CXCR6: variants seen among roughly 807,000 people sequenced by gnomAD.
The protein encoded by CXCR6 is C-X-C chemokine receptor type 6.
Under a neutral mutation model 1.6 loss-of-function variants are expected in CXCR6, and 3 were observed. The ratio of observed to expected loss-of-function variants is 1.83; its 90% CI spans 0.83 to 4.72. The LOEUF is 4.72. CXCR6 is among the 30% of genes most tolerant of loss of function. The pLI is 0.02. For synonymous variants in CXCR6, 171 were observed against 159.2 expected (o/e 1.07, Z -0.56); for missense variants, 326 against 414.8 (o/e 0.79, Z 1.86).
At chr3:45,944,018 A>G (rs1704418038) in intron 1 of CXCR6, among the ~76,000 whole-genome samples, 1 of 152,210 alleles carries the variant, frequency 6.6e-6, no homozygotes, top group African/African-American at 2.4e-5. Flanking sequence ...CACCAGCTGG[A>G]GGCCAACTGT....
At chr3:45,942,870 G>A (rs906616359), upstream of CXCR6, among the ~76,000 whole-genome samples, 1 of 152,190 alleles carries the variant, frequency 6.6e-6, no homozygotes, top group Non-Finnish European at 1.5e-5. Context: ...AGGTGGGGCT[G>A]CACCAGGCCC....
chr3:45,947,661 C>T lies in CXCR6; in HGVS notation c.*151C>T. 1.5e-6 allele frequency: 1 copy of T among 655,642 alleles called. No homozygotes were observed. The highest frequency in any genetic ancestry group is 2.7e-6 in the Non-Finnish European group (1 of 371,318). 40.6% of individuals were successfully genotyped at this position (655,642 alleles called of 1,614,324 possible). A position where few individuals can be genotyped will look rare whatever the true frequency, so the allele number is the denominator to read the frequency against. Reference sequence around the variant, plus strand: ...CTGGTTTGGAATGCTTCTTCTCAGGCATGAACATGTACTGTTCTCTTCTTG... The same window carrying T: ...CTGGTTTGGAATGCTTCTTCTCAGGTATGAACATGTACTGTTCTCTTCTTG... On this transcript the variant is annotated 3_prime_UTR_variant, in exon 2 of 2. Coordinates refer to ENST00000304552, the MANE Select transcript of CXCR6 (RefSeq NM_006564.2).
Position 45,947,097 on chromosome 3 carries a change from A to G in CXCR6, c.616A>G (p.Thr206Ala), listed in dbSNP as rs1704665667. Residue 206 changes from threonine (T) to alanine (A), a missense_variant, in exon 2 of 2, where the codon ACC becomes GCC. By Grantham distance (58) the Thr-to-Ala change is moderately conservative (BLOSUM62 0). Coordinates refer to ENST00000304552, the MANE Select transcript of CXCR6 (RefSeq NM_006564.2). ...ACTGGGGTTCTTCTTGCCACTGCTC[A>G]CCATGATTGTCTGCTATTCAGTCAT... Reference protein sequence around the residue: ...MTLGFFLPLLTMIVCYSVIIK... With the variant: ...MTLGFFLPLLAMIVCYSVIIK... 6.2e-7 allele frequency: 1 copy of G among 1,614,102 alleles called. No individual in the cohort carries two copies.
rs1575348232 is a variant in CXCR6, at chr3:45,947,261, C to T, written c.780C>T (p.Tyr260=). 1.2e-6 allele frequency: 2 copies of T among 1,614,148 alleles called. No individual in the cohort carries two copies. Among genetic ancestry groups the T allele is most frequent in the South Asian group, 1.1e-5 (1 of 91,080 alleles). The change falls in exon 2 of 2, where the codon TAC becomes TAT. Residue 260 remains tyrosine, a synonymous_variant. Coordinates refer to ENST00000304552, the MANE Select transcript of CXCR6 (RefSeq NM_006564.2). Reference sequence around the variant, plus strand: ...TCATCCGCAGCACACACTGGGAATACTATGCCATGACCAGCTTTCACTACA... The same window carrying T: ...TCATCCGCAGCACACACTGGGAATATTATGCCATGACCAGCTTTCACTACA... ...MKFIRSTHWE[Y]YAMTSFHYTI... is the part of the protein sequence containing the mutation.
In CXCR6 at chr3:45,946,689, C is replaced by T. The variant is rs774527055; in HGVS notation, c.208C>T (p.Leu70=). The change falls in exon 2 of 2, where the codon CTG becomes TTG. Residue 70 remains leucine (L), a synonymous_variant. Coordinates refer to ENST00000304552, the MANE Select transcript of CXCR6 (RefSeq NM_006564.2). ...GTTGCAGAGCCTGACGGATGTGTTC[C>T]TGGTGAACCTACCCCTGGCTGACCT... The part of the protein sequence containing the change: ...HKLQSLTDVF[L]VNLPLADLVF... 6.2e-7 allele frequency: 1 copy of T among 1,614,238 alleles called. No homozygotes were observed. The highest frequency in any genetic ancestry group is 8.5e-7 in the Non-Finnish European group (1 of 1,180,044).
At chr3:45,942,618 C>T (rs1704298399), upstream of CXCR6, among the ~76,000 whole-genome samples, 1 of 152,216 alleles carries the variant, frequency 6.6e-6, no homozygotes, top group Non-Finnish European at 1.5e-5. Context: ...CTACAAGGCA[C>T]TGGGGCATGT....
rs375989077 is a variant in CXCR6, at chr3:45,947,106, G to A, written c.625G>A (p.Val209Ile). Residue 209 changes from valine to isoleucine, a missense_variant, in exon 2 of 2, where the codon GTC becomes ATC. Physicochemically the swap from Val to Ile is conservative, Grantham distance 29 (BLOSUM62 3). Transcript: ENST00000304552. ...GFFLPLLTMIVCYSVIIKTLL... is the reference protein window; with the variant it reads ...GFFLPLLTMIICYSVIIKTLL... ...CTTCTTGCCACTGCTCACCATGATT[G>A]TCTGCTATTCAGTCATAATCAAAAC... The A allele has an allele frequency of 2.5e-5, 40 of 1,614,102 alleles. No homozygotes were observed. Among genetic ancestry groups the A allele is most frequent in the Non-Finnish European group, 3.1e-5 (37 of 1,180,056 alleles).
upstream of CXCR6, among the ~76,000 whole-genome samples, chr3:45,943,259 G>T (rs1391049988): frequency 6.6e-6 from 1 of 152,182 alleles, no homozygotes; most frequent in Non-Finnish European, 1.5e-5. Context: ...TACGAATAAA[G>T]CTCGTCAGGC....
chr3:45,946,389 T>C, intron 1 of CXCR6, 72 bp from the exon 2 acceptor site: 1 of 1,138,096 alleles, frequency 8.8e-7, no homozygotes, highest in Non-Finnish European at 1.3e-6. Flanking sequence ...CTAAATGTGG[T>C]CAATGGGATA....
At chr3:45,942,165 C>G (rs1431775563), upstream of CXCR6, among the ~76,000 whole-genome samples, 1 of 152,230 alleles carries the variant, frequency 6.6e-6, no homozygotes, top group Non-Finnish European at 1.5e-5. Flanking sequence ...TATCAGGGCC[C>G]CCTGGCACAG....
chr3:45,947,368 G>T lies in CXCR6; in HGVS notation c.887G>T (p.Arg296Leu), dbSNP rs141955108. The change falls in exon 2 of 2, where the codon CGA (arginine) becomes CTA (leucine). Residue 296 changes from arginine to leucine, a missense_variant. Arg to Leu is a moderately radical substitution (Grantham distance 102, BLOSUM62 -2). Coordinates refer to ENST00000304552, the MANE Select transcript of CXCR6 (RefSeq NM_006564.2). The part of the protein sequence containing the change: ...VLYAFVSLKF[R>L]KNFWKLVKDI... Reference sequence around the variant, plus strand: ...TATGCCTTTGTCAGCCTGAAGTTTCGAAAGAACTTCTGGAAACTTGTGAAG... The same window carrying T: ...TATGCCTTTGTCAGCCTGAAGTTTCTAAAGAACTTCTGGAAACTTGTGAAG... 10 of 1,614,072 alleles carry T rather than the reference G, an allele frequency of 6.2e-6. No homozygotes were observed. The highest frequency in any genetic ancestry group is 7.6e-6 in the Non-Finnish European group (9 of 1,180,042).
chr3:45,944,795 C>T (rs1008298219), intron 1 of CXCR6, among the ~76,000 whole-genome samples: 5 of 152,112 alleles, frequency 3.3e-5, no homozygotes, highest in Non-Finnish European at 5.9e-5. Flanking sequence ...AAGGCGAGAG[C>T]GAGTCAAGCA....
At position 45,948,026 on chromosome 3, in the gene CXCR6, G is replaced by C. The variant is rs905793074; in HGVS notation, c.*516G>C. 5.9e-6 allele frequency: 1 copy of C among 170,266 alleles called. No homozygotes were observed. Among genetic ancestry groups the C allele is most frequent in the African/African-American group, 2.4e-5 (1 of 41,462 alleles). The allele number at this position is 170,266 out of a possible 1,614,324, so 10.5% of individuals were successfully genotyped here. ...ACCTTGGGGCTTGACTTTTGTATAG[G>C]TAGATGTTCAGATTGCTTTGATTAA... On this transcript the variant is annotated 3_prime_UTR_variant, in exon 2 of 2. Coordinates refer to ENST00000304552, the MANE Select transcript of CXCR6 (RefSeq NM_006564.2).
chr3:45,940,962 T>C (rs1575339056), upstream of CXCR6: 1 of 152,236 alleles, frequency 6.6e-6, no homozygotes, highest in South Asian at 2.1e-4. Flanking sequence ...TTCCTTCTCC[T>C]GCTCTCCTGC....
At position 45,945,656 on chromosome 3, in the gene CXCR6, T is replaced by C. The variant is rs1279049054; in HGVS notation, c.-21-805T>C. The C allele has an allele frequency of 3.3e-5, 5 of 152,166 alleles. No individual in the cohort carries two copies. In the East Asian group the frequency reaches 9.6e-4, roughly 29 times the overall value. The allele number at this position is 152,166 out of a possible 1,614,324, so 9.4% of individuals were successfully genotyped here. The stretch of plus-strand genomic sequence containing the variant: ...GGAAATCTACCTTTTAAGAGACTTC[T>C]TGTTCAGAAGTCTTCAGGAAATGAG... On this transcript the variant is annotated intron_variant, in intron 1 of 1. Transcript: ENST00000304552.
chr3:45,942,840 C>T (rs1575341473), upstream of CXCR6, among the ~76,000 whole-genome samples: 2 of 152,174 alleles, frequency 1.3e-5, no homozygotes, highest in African/African-American at 4.8e-5. Flanking sequence ...TGCTGAGTGC[C>T]TGAGTGGTGT....
chr3:45,943,963 T>A (rs1297127890), intron 1 of CXCR6, among the ~76,000 whole-genome samples: 2 of 152,218 alleles, frequency 1.3e-5, no homozygotes, highest in East Asian at 1.9e-4. Context: ...GTAGAAACTT[T>A]GAAAACTATT....
chr3:45,941,536 T>G (rs180706448), upstream of CXCR6, among the ~76,000 whole-genome samples: 8 of 152,374 alleles, frequency 5.3e-5, no homozygotes, highest in East Asian at 1.2e-3. Flanking sequence ...CGGCATTTTG[T>G]AAAGTGATTA....
upstream of CXCR6, among the ~76,000 whole-genome samples, chr3:45,942,973 C>T (rs1321523605): frequency 2.6e-5 from 4 of 152,148 alleles, no homozygotes; most frequent in African/African-American, 9.7e-5. Flanking sequence ...GCTGTGTGCA[C>T]CAGGGCTTGT....
Sources: gnomAD v4.1 joint callset for allele counts (sites outside exome capture counted in the v4.1 genomes callset) on GRCh38, gnomAD v4.1.1 for gene constraint, MANE v1.5 for transcripts, NCBI Gene and HGNC (gene_info 2026-07-23, HGNC 2026-07-21) for gene names.